The following ETV1 variants were observed in gnomAD, a reference collection of about 807,000 sequenced individuals.
The protein encoded by ETV1 is ETS translocation variant 1.
A neutral mutation model predicts 62.3 loss-of-function variants in ETV1; 27 were observed. That is an observed-to-expected ratio of 0.43 (90% CI 0.32 to 0.60). The LOEUF (loss-of-function observed/expected upper bound fraction) is 0.60. Among genes scored for constraint, ETV1 ranks in the 20% least tolerant of loss-of-function variants. The probability of loss-of-function intolerance (pLI) is 0.06; values close to 1 mark genes in which losing one functional copy is unlikely to be tolerated. For synonymous variants in ETV1, 222 were observed against 199.6 expected (o/e 1.11, Z -0.94); for missense variants, 605 against 605.8 (o/e 1.00, Z 0.01).
At position 13,986,703 on chromosome 7, in the gene ETV1, GACATAA is replaced by G. The variant is rs1562723722; in HGVS notation, c.134-24_134-19del. The G allele has an allele frequency of 3.8e-6, 6 of 1,583,246 alleles. No homozygotes were observed. Among genetic ancestry groups the G allele is most frequent in the Non-Finnish European group, 4.3e-6 (5 of 1,158,750 alleles). On this transcript the variant is annotated intron_variant, in intron 4 of 13. Coordinates refer to ENST00000430479, the MANE Select transcript of ETV1 (RefSeq NM_004956.5). ...AAAGAGTTCTAAAAAACAAGTCAAA[GACATAA>G]ACATAAGATTTGCAAATCTTTAATC...
At chr7:13,989,209 T>A in intron 2 of ETV1, 59 bp downstream of exon 2, 1 of 632,998 alleles carries the variant, frequency 1.6e-6, no homozygotes, top group Non-Finnish European at 2.7e-6. Flanking sequence ...TTTGCATAGC[T>A]AATTACCCTC....
intron 7 of ETV1, among the ~76,000 whole-genome samples, chr7:13,937,018 G>A (rs1786882026): frequency 6.6e-6 from 1 of 151,700 alleles, no homozygotes; most frequent in Non-Finnish European, 1.5e-5. Flanking sequence ...CTCCAGCCTG[G>A]CTGACAGAGT....
At position 13,916,827 on chromosome 7, in the gene ETV1, G is replaced by C. The variant is rs149610704; in HGVS notation, c.803-5520C>G. 8.8e-3 allele frequency among the ~76,000 whole-genome samples: 1,342 copies of C among 152,022 alleles called. 16 individuals carry two copies. The highest frequency in any genetic ancestry group is 0.028 in the African/African-American group (1,161 of 41,454). On this transcript the variant is annotated intron_variant, in intron 9 of 13. Coordinates refer to ENST00000430479, the MANE Select transcript of ETV1 (RefSeq NM_004956.5). ...CACACCTGTAGTGCCAGCTACTCAA[G>C]AGGCTAAGATGGGAGGATGGTTTGA... is the stretch of plus-strand genomic sequence containing the variant.
chr7:13,931,454 G>C (rs953253791), intron 9 of ETV1, 48 bp downstream of exon 9: 1 of 1,609,276 alleles, frequency 6.2e-7, no homozygotes, highest in South Asian at 1.1e-5. Context: ...TGTGACAAGG[G>C]AGGTGAAAAA....
chr7:13,908,402 G>A (rs907654798), intron 11 of ETV1, among the ~76,000 whole-genome samples: 3 of 152,110 alleles, frequency 2.0e-5, no homozygotes, highest in African/African-American at 7.2e-5. Flanking sequence ...CACCAAACAC[G>A]AAAGAAACTA....
chr7:13,925,741 A>T (rs1420495420), intron 9 of ETV1, among the ~76,000 whole-genome samples: 5 of 150,786 alleles, frequency 3.3e-5, no homozygotes, highest in African/African-American at 1.2e-4. Context: ...AATTTTTTGT[A>T]TTTTTTTTAG....
At chr7:13,924,941 C>T (rs974565489) in intron 9 of ETV1, among the ~76,000 whole-genome samples, 1 of 152,128 alleles carries the variant, frequency 6.6e-6, no homozygotes, top group Admixed American at 6.6e-5. Context: ...CAAAGAGTTA[C>T]GTGCCTCCAA....
chr7:13,978,341 C>G (rs902902738), intron 5 of ETV1, among the ~76,000 whole-genome samples: 2 of 151,910 alleles, frequency 1.3e-5, no homozygotes, highest in African/African-American at 4.8e-5. Context: ...ATCGAAGTAA[C>G]CTATTCCAAA....
intron 13 of ETV1, among the ~76,000 whole-genome samples, chr7:13,898,355 GAAGT>G (rs1782055116): frequency 6.6e-6 from 1 of 152,160 alleles, no homozygotes; most frequent in South Asian, 2.1e-4. Context: ...TAAAATTTCA[GAAGT>G]AATATGGGGA....
intron 8 of ETV1, among the ~76,000 whole-genome samples, chr7:13,932,044 C>CCACA (rs60981382): frequency 0.19 from 28,417 of 147,900 alleles, 3,138 homozygotes; most frequent in African/African-American, 0.32. Context: ...TTTTACACAC[C>CCACA]CACACACACA....
chr7:13,965,413 A>C (rs982126124), intron 6 of ETV1, among the ~76,000 whole-genome samples: 1 of 152,134 alleles, frequency 6.6e-6, no homozygotes, highest in African/African-American at 2.4e-5. Flanking sequence ...AATAATTTTC[A>C]AAAACTATTA....
chr7:13,934,557 A>C (rs1490739145), intron 8 of ETV1, among the ~76,000 whole-genome samples: 1 of 152,200 alleles, frequency 6.6e-6, no homozygotes, highest in African/African-American at 2.4e-5. Context: ...ACTTGCAGGA[A>C]TTTTTTGAGC....
intron 5 of ETV1, among the ~76,000 whole-genome samples, chr7:13,978,489 T>C (rs1016282653): frequency 2.0e-5 from 3 of 152,124 alleles, no homozygotes; most frequent in African/African-American, 4.8e-5. Context: ...TAATTAACTT[T>C]AGCTGTCATT....
chr7:13,964,679 T>A (rs1223935470), intron 6 of ETV1, among the ~76,000 whole-genome samples: 1 of 152,084 alleles, frequency 6.6e-6, no homozygotes, highest in African/African-American at 2.4e-5. Flanking sequence ...AATACCCTTC[T>A]GAATAACAAA....
rs1022540330 is a variant in ETV1 at position 13,892,160 on chromosome 7, C to G, written c.*3706G>C. On this transcript the variant is annotated 3_prime_UTR_variant, in exon 14 of 14. Transcript: ENST00000430479. Reference sequence around the variant, plus strand: ...TAATCACTAGCAAATGATAAGATCACATAGTAACCCATATTAACACCAAAA... The same window carrying G: ...TAATCACTAGCAAATGATAAGATCAGATAGTAACCCATATTAACACCAAAA... 14 of 232,248 alleles carry G rather than the reference C, an allele frequency of 6.0e-5. No homozygotes were observed. Among genetic ancestry groups the G allele is most frequent in the Non-Finnish European group, 7.7e-5 (9 of 117,580 alleles). 14.4% of individuals were successfully genotyped at this position (232,248 alleles called of 1,614,324 possible).
chr7:13,926,595 T>A (rs893066915), intron 9 of ETV1, among the ~76,000 whole-genome samples: 3 of 152,124 alleles, frequency 2.0e-5, no homozygotes, highest in African/African-American at 7.2e-5. Flanking sequence ...TGTGGGCATT[T>A]GACCATAAGG....
At position 13,988,195 on chromosome 7, in the gene ETV1, C is replaced by T; in HGVS notation, c.46-22G>A. 2.6e-6 allele frequency: 4 copies of T among 1,537,412 alleles called. 1 individual carries two copies. Among genetic ancestry groups the T allele is most frequent in the Non-Finnish European group, 3.6e-6 (4 of 1,110,746 alleles). Reference sequence around the variant, plus strand: ...GACTCTACAAAGGGAAAGATAAAATCCTTTAAAAGAATGTAAACCTCAGAT... The same window carrying T: ...GACTCTACAAAGGGAAAGATAAAATTCTTTAAAAGAATGTAAACCTCAGAT... On this transcript the variant is annotated intron_variant, in intron 3 of 13. Transcript: ENST00000430479.
intron 6 of ETV1, among the ~76,000 whole-genome samples, chr7:13,962,858 C>T (rs1031803455): frequency 6.6e-5 from 10 of 152,050 alleles, no homozygotes; most frequent in Non-Finnish European, 1.3e-4. Flanking sequence ...TTCCATTTTT[C>T]TTTTATTGTA....
chr7:13,976,328 T>C (rs1160146412), intron 6 of ETV1, among the ~76,000 whole-genome samples: 1 of 152,212 alleles, frequency 6.6e-6, no homozygotes, highest in Admixed American at 6.5e-5. Context: ...CTTAGTGCCA[T>C]TGAACTACAA....
Sources: gnomAD v4.1 joint callset for allele counts (sites outside exome capture counted in the v4.1 genomes callset) on GRCh38, gnomAD v4.1.1 for gene constraint, MANE v1.5 for transcripts, NCBI Gene and HGNC (gene_info 2026-07-23, HGNC 2026-07-21) for gene names.